PI4KA: variants seen among roughly 807,000 people sequenced by gnomAD.
The protein encoded by PI4KA is PI4-kinase alpha.
PI4KA carries 122 observed loss-of-function variants against 271.4 expected under a neutral mutation model. The observed-to-expected ratio is 0.45, with a 90% confidence interval of 0.39 to 0.52. The LOEUF is 0.52. Among genes scored for constraint, PI4KA ranks in the 20% least tolerant of loss-of-function variants. PI4KA has a pLI of 0.00. For missense variants in PI4KA, 1,969 were observed against 2,769.1 expected (o/e 0.71, Z 6.48); for synonymous variants, 1,041 against 1,078.8 (o/e 0.96, Z 0.69).
intron 42 of PI4KA, among the ~76,000 whole-genome samples, chr22:20,722,754 G>A (rs1926890542): frequency 6.6e-6 from 1 of 152,206 alleles, no homozygotes; most frequent in African/African-American, 2.4e-5. Context: ...CTGGTGAAGT[G>A]TCCCTTGGAT....
intron 43 of PI4KA, among the ~76,000 whole-genome samples, chr22:20,720,905 T>C (rs996271749): frequency 2.0e-5 from 3 of 152,212 alleles, no homozygotes; most frequent in Non-Finnish European, 4.4e-5. Context: ...ACAGCGCTCT[T>C]TGAGGACCTC....
chr22:20,729,522 A>T lies in PI4KA; in HGVS notation c.4489-16T>A. On this transcript the variant is annotated splice_polypyrimidine_tract_variant and intron_variant, in intron 38 of 54. Transcript: ENST00000255882. ...TCTCAGTGGCCTGGCAAGATAAGAC[A>T]TAAGGCCTGATATGCACCCCTTCTG... The T allele has an allele frequency of 6.4e-7, 1 of 1,566,830 alleles. No individual in the cohort carries two copies. Among genetic ancestry groups the T allele is most frequent in the Non-Finnish European group, 8.7e-7 (1 of 1,154,862 alleles).
At position 20,707,759 on chromosome 22, in the gene PI4KA, C is replaced by G. The variant is rs1361405437; in HGVS notation, c.*288G>C. ...GTTAAATCTTATCTCTTTTTTTATA[C>G]ACAATACTTCATGTACCTATGAAAT... On this transcript the variant is annotated 3_prime_UTR_variant, in exon 55 of 55. Coordinates refer to ENST00000255882, the MANE Select transcript of PI4KA (RefSeq NM_058004.4). 1 of 489,772 alleles carries G rather than the reference C, an allele frequency of 2.0e-6. No individual in the cohort carries two copies. Among genetic ancestry groups the G allele is most frequent in the Non-Finnish European group, 3.7e-6 (1 of 267,826 alleles). 30.3% of individuals were successfully genotyped at this position (489,772 alleles called of 1,614,324 possible). A position where few individuals can be genotyped will look rare whatever the true frequency, so the allele number is the denominator to read the frequency against.
At position 20,808,759 on chromosome 22, in the gene PI4KA, G is replaced by A. The variant is rs866962575; in HGVS notation, c.1072-1301C>T. Among the ~76,000 whole-genome samples, 3 of 151,734 alleles carry A rather than the reference G, an allele frequency of 2.0e-5. No individual in the cohort carries two copies. The East Asian group carries it at 5.9e-4, about 30-fold the overall frequency. On this transcript the variant is annotated intron_variant, in intron 9 of 54. Coordinates refer to ENST00000255882, the MANE Select transcript of PI4KA (RefSeq NM_058004.4). ...AGTGGTATGATCACAGCTCACTGCAGCCTTGAACTCCTGGGCTCAAGTGAT... is the reference window on the plus strand; with the variant it reads ...AGTGGTATGATCACAGCTCACTGCAACCTTGAACTCCTGGGCTCAAGTGAT...
chr22:20,735,506 C>T (rs984772530), intron 32 of PI4KA, among the ~76,000 whole-genome samples: 32 of 148,374 alleles, frequency 2.2e-4, no homozygotes, highest in African/African-American at 7.3e-4. Context: ...CTGGCTGAGG[C>T]GGCCACTGTT....
chr22:20,824,270 T>C, intron 4 of PI4KA, 56 bp downstream of exon 4: 1 of 1,077,266 alleles, frequency 9.3e-7, no homozygotes, highest in East Asian at 2.4e-5. Flanking sequence ...TTCATCACTT[T>C]GGGACTCTAT....
chr22:20,720,344 C>T (rs1213310398), intron 43 of PI4KA, among the ~76,000 whole-genome samples: 1 of 152,118 alleles, frequency 6.6e-6, no homozygotes, highest in Non-Finnish European at 1.5e-5. Flanking sequence ...GCATGAGCCA[C>T]CATGCCCAGA....
Position 20,779,543 on chromosome 22 carries a change from C to A in PI4KA, c.2328+13650G>T, listed in dbSNP as rs5903. The stretch of plus-strand genomic sequence containing the variant: ...GGATTCCAGAGGGGGAGGAGGACGA[C>A]GACTATCTGGACCTGGAGAAGATAT... On this transcript the variant is annotated intron_variant, in intron 19 of 54. Coordinates refer to ENST00000255882, the MANE Select transcript of PI4KA (RefSeq NM_058004.4). 15,244 of 1,613,960 alleles carry A rather than the reference C, an allele frequency of 9.4e-3. 104 individuals are homozygous for A. The highest frequency in any genetic ancestry group is 0.011 in the Non-Finnish European group (13,567 of 1,179,846).
intron 1 of PI4KA, among the ~76,000 whole-genome samples, chr22:20,855,321 G>T (rs1205392718): frequency 6.6e-6 from 1 of 151,824 alleles, no homozygotes; most frequent in Admixed American, 6.6e-5. Context: ...CAACATGCAG[G>T]TTTGTTACAT....
chr22:20,799,549 C>T, intron 15 of PI4KA, 122 bp downstream of exon 15: 1 of 773,734 alleles, frequency 1.3e-6, no homozygotes, highest in Non-Finnish European at 2.2e-6. Context: ...AACCCTGATA[C>T]ATGCCTATGC....
chr22:20,813,829 C>T (rs1479606267), intron 7 of PI4KA, among the ~76,000 whole-genome samples: 4 of 152,104 alleles, frequency 2.6e-5, no homozygotes, highest in Non-Finnish European at 5.9e-5. Flanking sequence ...GACAGAGTCT[C>T]GCTCTGTTGC....
At chr22:20,791,909 T>G (rs1233388962) in intron 19 of PI4KA, among the ~76,000 whole-genome samples, 1 of 152,132 alleles carries the variant, frequency 6.6e-6, no homozygotes, top group Admixed American at 6.6e-5. Context: ...GAGACCAGCC[T>G]GGCCAACATG....
intron 14 of PI4KA, 102 bp from the exon 15 acceptor site, chr22:20,799,868 G>A: frequency 1.5e-6 from 1 of 669,548 alleles, no homozygotes; most frequent in Non-Finnish European, 2.5e-6. Context: ...TTAAAGAACT[G>A]CTCTGAATTT....
In PI4KA at chr22:20,834,648, T is replaced by A. The variant is rs560850204; in HGVS notation, c.281A>T (p.Asp94Val). ...FLIESDLQHK[D>V]CVVPYLLRLL... ...TCGAAGAAGGTAAGGAACCACACAATCTTTGTGCTAAAAAATAATAAGAAG... is the reference window on the plus strand; with the variant it reads ...TCGAAGAAGGTAAGGAACCACACAAACTTTGTGCTAAAAAATAATAAGAAG... Residue 94 changes from aspartate to valine, a missense_variant, in exon 3 of 55, where the codon GAT becomes GTT. Asp to Val is a radical substitution (Grantham distance 152). Coordinates refer to ENST00000255882, the MANE Select transcript of PI4KA (RefSeq NM_058004.4). 6.3e-6 allele frequency: 10 copies of A among 1,589,814 alleles called. No individual in the cohort carries two copies. The Admixed American group carries it at 1.7e-4, about 27-fold the overall frequency.
intron 23 of PI4KA, among the ~76,000 whole-genome samples, chr22:20,757,896 G>A (rs1050093897): frequency 6.6e-6 from 1 of 152,022 alleles, no homozygotes; most frequent in African/African-American, 2.4e-5. Flanking sequence ...TGTGCTAGGT[G>A]CTTAATTCTT....
At chr22:20,732,741 G>A (rs1226133506) in intron 36 of PI4KA, among the ~76,000 whole-genome samples, 1 of 152,214 alleles carries the variant, frequency 6.6e-6, no homozygotes, top group Non-Finnish European at 1.5e-5. Flanking sequence ...TGCGGTGAGT[G>A]GAGTCTGCTC....
intron 3 of PI4KA, among the ~76,000 whole-genome samples, chr22:20,833,059 T>A (rs1432567178): frequency 1.3e-5 from 2 of 152,106 alleles, no homozygotes; most frequent in Non-Finnish European, 2.9e-5. Context: ...TTTGGATGGA[T>A]TTTTTTGGGG....
At chr22:20,714,824 G>C in intron 45 of PI4KA, 124 bp from the exon 46 acceptor site, 1 of 1,157,172 alleles carries the variant, frequency 8.6e-7, no homozygotes, top group Non-Finnish European at 1.2e-6. Flanking sequence ...CTGTGGAGGG[G>C]CCTCTGGTCC....
chr22:20,855,588 AG>A (rs1250042125), intron 1 of PI4KA, among the ~76,000 whole-genome samples: 1 of 152,212 alleles, frequency 6.6e-6, no homozygotes, highest in African/African-American at 2.4e-5. Flanking sequence ...AAAGCATGTC[AG>A]GGCTGCCTGT....
Sources: allele counts gnomAD v4.1 joint callset (sites outside exome capture counted in the v4.1 genomes callset), GRCh38; gene constraint gnomAD v4.1.1; transcripts MANE v1.5; gene names NCBI Gene and HGNC (gene_info 2026-07-23, HGNC 2026-07-21).